Variants in UBE2H observed in about 807,000 individuals in gnomAD.
UBE2H encodes the protein ubiquitin-conjugating enzyme E2 H.
UBE2H carries 3 observed loss-of-function variants against 29.0 expected under a neutral mutation model. That is an observed-to-expected ratio of 0.10 (90% CI 0.05 to 0.27). UBE2H has a LOEUF of 0.27. Ranked by LOEUF, UBE2H falls within the 10% of genes least tolerant of loss-of-function variation. The pLI is 1.00. For synonymous variants in UBE2H, 69 were observed against 82.9 expected (o/e 0.83, Z 0.91); for missense variants, 68 against 228.2 (o/e 0.30, Z 4.52).
intron 5 of UBE2H, chr7:129,856,876 C>A (rs1199640407): frequency 6.6e-6 from 1 of 152,054 alleles, no homozygotes; most frequent in Non-Finnish European, 1.5e-5. Context: ...CCTGCAGATA[C>A]CAAGAGATGA....
chr7:129,934,638 T>TAAAAAAAAAAAAAAAAAAAAAAAAACAAA (rs758214225), intron 1 of UBE2H, among the ~76,000 whole-genome samples: 1 of 65,850 alleles, frequency 1.5e-5, no homozygotes, highest in African/African-American at 5.9e-5. Context: ...ACTCCGTCTT[T>TAAAAAAAAAAAAAAAAAAAAAAAAACAAA]AAAAAAAAAA....
intron 5 of UBE2H, among the ~76,000 whole-genome samples, chr7:129,845,425 CT>C (rs1418599287): frequency 2.6e-5 from 4 of 152,150 alleles, no homozygotes; most frequent in Admixed American, 1.3e-4. Flanking sequence ...CTCGTAGGTT[CT>C]TTTTTGCAAG....
chr7:129,886,886 T>C (rs1337859667), intron 1 of UBE2H, among the ~76,000 whole-genome samples: 1 of 150,102 alleles, frequency 6.7e-6, no homozygotes, highest in African/African-American at 2.4e-5. Flanking sequence ...TTTAGAGACA[T>C]AAATGGAAAT....
intron 1 of UBE2H, among the ~76,000 whole-genome samples, chr7:129,936,608 A>T (rs1807533552): frequency 6.6e-6 from 1 of 151,504 alleles, no homozygotes; most frequent in East Asian, 1.9e-4. Context: ...AAAAAAAAAA[A>T]ATAGAATTTC....
chr7:129,939,480 A>G (rs1286342905), intron 1 of UBE2H, among the ~76,000 whole-genome samples: 1 of 152,246 alleles, frequency 6.6e-6, no homozygotes, highest in Non-Finnish European at 1.5e-5. Context: ...GTAAACATCC[A>G]GCAGTAAGAC....
intron 1 of UBE2H, among the ~76,000 whole-genome samples, chr7:129,892,126 G>T (rs1221533236): frequency 6.6e-6 from 1 of 151,744 alleles, no homozygotes; most frequent in Non-Finnish European, 1.5e-5. Context: ...CTAATTTTTT[G>T]TATTTTTGGT....
At chr7:129,845,904 T>C (rs917231021) in intron 5 of UBE2H, among the ~76,000 whole-genome samples, 8 of 152,208 alleles carry the variant, frequency 5.3e-5, no homozygotes, top group African/African-American at 2.4e-5. Flanking sequence ...AAAGTGACTA[T>C]AAGATATACT....
At chr7:129,939,073 A>C (rs1807591315) in intron 1 of UBE2H, among the ~76,000 whole-genome samples, 1 of 152,230 alleles carries the variant, frequency 6.6e-6, no homozygotes, top group African/African-American at 2.4e-5. Context: ...TGCTACGATT[A>C]CAGGCATGAG....
chr7:129,938,808 GT>G (rs1456657433), intron 1 of UBE2H, among the ~76,000 whole-genome samples: 1 of 147,824 alleles, frequency 6.8e-6, no homozygotes, highest in Non-Finnish European at 1.5e-5. Context: ...TGTTTTTTTT[GT>G]TTTTTTTTGA....
chr7:129,864,604 A>G, intron 3 of UBE2H, among the ~76,000 whole-genome samples: 1 of 129,208 alleles, frequency 7.7e-6, no homozygotes, highest in African/African-American at 2.9e-5. Flanking sequence ...CTCAGGCTGG[A>G]GTGCAGTGGC....
intron 3 of UBE2H, among the ~76,000 whole-genome samples, chr7:129,878,277 C>A (rs1327814104): frequency 6.6e-6 from 1 of 152,144 alleles, no homozygotes; most frequent in Non-Finnish European, 1.5e-5. Context: ...ATTCACAACG[C>A]TGAAACTTAG....
chr7:129,834,473 A>C lies in UBE2H; in HGVS notation c.*464T>G, dbSNP rs1264001924. On this transcript the variant is annotated 3_prime_UTR_variant, in exon 7 of 7. Transcript: ENST00000355621. ...TTACATGGCTGGCTCCGATGCCCCCACAGCAGGCCTCTTCCTCCCCAAGTT... is the reference window on the plus strand; with the variant it reads ...TTACATGGCTGGCTCCGATGCCCCCCCAGCAGGCCTCTTCCTCCCCAAGTT... 6.4e-6 allele frequency: 1 copy of C among 155,790 alleles called. No individual in the cohort carries two copies. Among genetic ancestry groups the C allele is most frequent in the African/African-American group, 2.4e-5 (1 of 41,436 alleles). 9.7% of individuals were successfully genotyped at this position (155,790 alleles called of 1,614,324 possible).
chr7:129,906,318 C>T (rs1051840101), intron 1 of UBE2H, among the ~76,000 whole-genome samples: 1 of 151,736 alleles, frequency 6.6e-6, no homozygotes, highest in Non-Finnish European at 1.5e-5. Flanking sequence ...GATTCTTGTG[C>T]CTCAGCCTCC....
intron 1 of UBE2H, among the ~76,000 whole-genome samples, chr7:129,940,601 C>G (rs1403864306): frequency 6.6e-6 from 1 of 152,186 alleles, no homozygotes; most frequent in Non-Finnish European, 1.5e-5. Context: ...TACATAACGT[C>G]CTAGATACCT....
intron 1 of UBE2H, among the ~76,000 whole-genome samples, chr7:129,914,446 C>G (rs111652513): frequency 0.013 from 2,042 of 152,174 alleles, 44 homozygotes; most frequent in African/African-American, 0.046. Flanking sequence ...GGATTACAGG[C>G]GTGAGCCACC....
chr7:129,925,496 C>A (rs559890346), intron 1 of UBE2H, among the ~76,000 whole-genome samples: 1 of 152,090 alleles, frequency 6.6e-6, no homozygotes, highest in African/African-American at 2.4e-5. Context: ...AAGAAAAAAG[C>A]GAAACAACAT....
At chr7:129,896,172 T>C (rs997363808) in intron 1 of UBE2H, among the ~76,000 whole-genome samples, 1 of 151,652 alleles carries the variant, frequency 6.6e-6, no homozygotes, top group African/African-American at 2.4e-5. Flanking sequence ...CCGTCTCTAC[T>C]AAAAAACACA....
At chr7:129,864,588 C>CT (rs1481312001) in intron 3 of UBE2H, among the ~76,000 whole-genome samples, 2 of 134,518 alleles carry the variant, frequency 1.5e-5, no homozygotes, top group Non-Finnish European at 3.1e-5. Flanking sequence ...GAATCTCACT[C>CT]TATCACTCAG....
intron 6 of UBE2H, among the ~76,000 whole-genome samples, chr7:129,835,393 A>G (rs1805303871): frequency 6.6e-6 from 1 of 152,096 alleles, no homozygotes; most frequent in Admixed American, 6.5e-5. Context: ...TTTTACTTTC[A>G]TCTCCCAGAT....
Sources: gnomAD v4.1 joint callset for allele counts (sites outside exome capture counted in the v4.1 genomes callset) on GRCh38, gnomAD v4.1.1 for gene constraint, MANE v1.5 for transcripts, NCBI Gene and HGNC (gene_info 2026-07-23, HGNC 2026-07-21) for gene names.